NSF: variants seen among roughly 807,000 people sequenced by gnomAD.
NSF encodes vesicle-fusing ATPase.
Under a neutral mutation model 50.3 loss-of-function variants are expected in NSF, and 14 were observed. That is an observed-to-expected ratio of 0.28 (90% CI 0.18 to 0.44). The LOEUF (loss-of-function observed/expected upper bound fraction) is 0.44, where lower values mean the gene tolerates loss of function less well. Ranked by LOEUF, NSF falls within the 20% of genes least tolerant of loss-of-function variation. The pLI is 1.00. For synonymous variants in NSF, 109 were observed against 175.7 expected (o/e 0.62, Z 3.00); for missense variants, 218 against 504.3 (o/e 0.43, Z 5.44).
chr17:46,740,278 G>A (rs1048741700), intron 17 of NSF, among the ~76,000 whole-genome samples: 3 of 152,172 alleles, frequency 2.0e-5, no homozygotes, highest in African/African-American at 7.2e-5. Flanking sequence ...AGCAATGTGG[G>A]CTCTGTAGGG....
intron 15 of NSF, chr17:46,721,572 C>T (rs1202594074): frequency 6.8e-7 from 1 of 1,478,266 alleles, no homozygotes; most frequent in South Asian, 1.1e-5. Flanking sequence ...TTTTATTTAG[C>T]CATTTTTGTT....
At chr17:46,707,552 A>G (rs1429650503) in intron 13 of NSF, among the ~76,000 whole-genome samples, 4 of 152,024 alleles carry the variant, frequency 2.6e-5, no homozygotes, top group African/African-American at 4.8e-5. Flanking sequence ...TCCCTCCCCT[A>G]CAACACCTGG....
intron 12 of NSF, among the ~76,000 whole-genome samples, chr17:46,695,237 T>C (rs1279870382): frequency 6.9e-6 from 1 of 143,984 alleles, no homozygotes; most frequent in Non-Finnish European, 1.5e-5. Context: ...CAGAGCGAGA[T>C]TCCGTCTCCA....
At position 46,609,430 on chromosome 17, in the gene NSF, C is replaced by T. The variant is rs1169111655; in HGVS notation, c.13-14814C>T. 3.0e-4 allele frequency among the ~76,000 whole-genome samples: 46 copies of T among 151,942 alleles called. No individual in the cohort carries two copies. In the East Asian group the frequency reaches 7.2e-3, roughly 24 times the overall value. On this transcript the variant is annotated intron_variant, in intron 1 of 20. Transcript: ENST00000398238. ...GCTTTGTTGTTAATTTGAGCATCTC[C>T]TGCACCTAGCACAGTGCCTGGGACA...
chr17:46,717,730 T>A (rs890861764), intron 15 of NSF, among the ~76,000 whole-genome samples: 1 of 151,806 alleles, frequency 6.6e-6, no homozygotes, highest in African/African-American at 2.4e-5. Context: ...AATAAAATAA[T>A]GTGTCGTTCG....
At chr17:46,602,791 T>G (rs531190653) in intron 1 of NSF, among the ~76,000 whole-genome samples, 1 of 145,886 alleles carries the variant, frequency 6.9e-6, no homozygotes, top group East Asian at 2.0e-4. Flanking sequence ...TTGATATAAT[T>G]TTGTGAACCA....
Position 46,727,996 on chromosome 17 carries a change from GT to G in NSF, c.1829-848del, listed in dbSNP as rs531894414. 6.5e-4 allele frequency among the ~76,000 whole-genome samples: 95 copies of G among 147,278 alleles called. 1 individual carries two copies. The highest frequency in any genetic ancestry group is 1.9e-3 in the African/African-American group (77 of 40,356). The stretch of plus-strand genomic sequence containing the variant: ...ATGTGCCATGTATTTTGGATATTCT[GT>G]TTTTTTTTTTATTTTTATTTTCCCT... On this transcript the variant is annotated intron_variant, in intron 16 of 20. Transcript: ENST00000398238.
intron 17 of NSF, among the ~76,000 whole-genome samples, chr17:46,749,513 A>G (rs1283196478): frequency 6.6e-6 from 1 of 152,176 alleles, no homozygotes; most frequent in Non-Finnish European, 1.5e-5. Flanking sequence ...TTGTTTGTGT[A>G]TCTTCTTGAT....
chr17:46,697,153 CCAT>C (rs2075047377), intron 12 of NSF, among the ~76,000 whole-genome samples: 1 of 147,528 alleles, frequency 6.8e-6, no homozygotes. Context: ...TCAGAGTCTC[CCAT>C]AGTACCCCAG....
chr17:46,753,002 C>T (rs1280580920), intron 19 of NSF, among the ~76,000 whole-genome samples: 1 of 152,220 alleles, frequency 6.6e-6, no homozygotes, highest in Non-Finnish European at 1.5e-5. Flanking sequence ...CTACTGACCT[C>T]AGGTGATCTG....
At chr17:46,606,043 G>A (rs1357759336) in intron 1 of NSF, among the ~76,000 whole-genome samples, 3 of 111,610 alleles carry the variant, frequency 2.7e-5, no homozygotes, top group Non-Finnish European at 5.0e-5. Context: ...GCCGGGTGTG[G>A]TGGCGCATGC....
At chr17:46,681,672 T>C (rs1432128137) in intron 9 of NSF, among the ~76,000 whole-genome samples, 1 of 110,506 alleles carries the variant, frequency 9.0e-6, no homozygotes, top group African/African-American at 3.7e-5. Flanking sequence ...CTCTTAGTGC[T>C]TTAAGTCTGC....
Position 46,631,082 on chromosome 17 carries a change from A to ACG in NSF, c.238+633_238+634insGC, listed in dbSNP as rs1555668597. ...TCTGTACACACACACACACACACAC[A>ACG]CACACACACACACACACACACACAT... On this transcript the variant is annotated intron_variant, in intron 4 of 20. Coordinates refer to ENST00000398238, the MANE Select transcript of NSF (RefSeq NM_006178.4). Among the ~76,000 whole-genome samples the ACG allele has an allele frequency of 4.2e-5, 6 of 142,080 alleles. No homozygotes were observed. In the East Asian group the frequency reaches 8.8e-4, roughly 21 times the overall value. The allele number at this position is 142,080 out of a possible 152,430, so 93.2% of individuals were successfully genotyped here. A position where few individuals can be genotyped will look rare whatever the true frequency, so the allele number is the denominator to read the frequency against.
chr17:46,732,685 T>C (rs2146303565), intron 17 of NSF, among the ~76,000 whole-genome samples: 1 of 152,314 alleles, frequency 6.6e-6, no homozygotes, highest in Admixed American at 6.5e-5. Flanking sequence ...TTAGCATCTT[T>C]TTAAAACCAA....
chr17:46,727,545 C>G (rs939063678), intron 16 of NSF, among the ~76,000 whole-genome samples: 2 of 152,098 alleles, frequency 1.3e-5, no homozygotes, highest in African/African-American at 4.8e-5. Context: ...TTCAGACCTG[C>G]TTTTGGTCCT....
chr17:46,657,970 A>ATT (rs200879873), intron 8 of NSF, among the ~76,000 whole-genome samples: 3,249 of 11,874 alleles, frequency 0.27, 761 homozygotes, highest in Non-Finnish European at 0.46. Context: ...TATTTTATTT[A>ATT]TTTTTTTTTT....
At chr17:46,746,322 C>G (rs1488240222) in intron 17 of NSF, among the ~76,000 whole-genome samples, 1 of 152,192 alleles carries the variant, frequency 6.6e-6, no homozygotes, top group African/African-American at 2.4e-5. Context: ...AGGGTCTCAA[C>G]TTTGTTTCTT....
At chr17:46,722,264 G>T (rs151083524) in intron 15 of NSF, 5 of 1,018,396 alleles carry the variant, frequency 4.9e-6, no homozygotes, top group African/African-American at 1.6e-5. Flanking sequence ...ATTAATTTTG[G>T]GGGGAGTCTG....
At chr17:46,707,739 T>C (rs1056621073) in intron 13 of NSF, among the ~76,000 whole-genome samples, 3 of 152,034 alleles carry the variant, frequency 2.0e-5, no homozygotes, top group East Asian at 3.9e-4. Flanking sequence ...TGGATAATAC[T>C]CCATTATATG....
Sources: allele counts gnomAD v4.1 joint callset (sites outside exome capture counted in the v4.1 genomes callset), GRCh38; gene constraint gnomAD v4.1.1; transcripts MANE v1.5; gene names NCBI Gene and HGNC (gene_info 2026-07-23, HGNC 2026-07-21).